Variants in RIMS1 observed in about 807,000 individuals in gnomAD.
RIMS1 encodes regulating synaptic membrane exocytosis protein 1.
In RIMS1, 83 loss-of-function variants were observed where a neutral mutation model predicts 214.1. The ratio of observed to expected loss-of-function variants is 0.39; its 90% CI spans 0.32 to 0.47. The LOEUF is 0.47. Ranked by LOEUF, RIMS1 falls within the 20% of genes least tolerant of loss-of-function variation. RIMS1 has a pLI of 0.99. For missense variants in RIMS1, 2,050 were observed against 2,161.8 expected (o/e 0.95, Z 1.03); for synonymous variants, 793 against 786.8 (o/e 1.01, Z -0.13).
chr6:71,931,135 A>G (rs1582890725), intron 1 of RIMS1, among the ~76,000 whole-genome samples: 1 of 152,058 alleles, frequency 6.6e-6, no homozygotes, highest in African/African-American at 2.4e-5. Context: ...CAGTTCAAAA[A>G]TAGTAAGCCC....
Position 72,250,362 on chromosome 6 carries a change from G to C in RIMS1, c.2274G>C (p.Gln758His), listed in dbSNP as rs749349327. The C allele has an allele frequency of 6.2e-7, 1 of 1,610,038 alleles. No homozygotes were observed. Among genetic ancestry groups the C allele is most frequent in the East Asian group, 2.2e-5 (1 of 44,562 alleles). Residue 758 changes from glutamine to histidine, a missense_variant, in exon 13 of 34, where the codon CAG becomes CAC. By Grantham distance (24) the Gln-to-His change is conservative. Coordinates refer to ENST00000521978, the MANE Select transcript of RIMS1 (RefSeq NM_014989.7). ...VKLWYDKVGH[Q>H]LIVNVLQATD... ...TGTGGTATGATAAAGTGGGACACCA[G>C]CTGATTGTAAATGTTCTGCAAGCAA...
At chr6:72,299,445 C>T (rs1368313394) in intron 26 of RIMS1, among the ~76,000 whole-genome samples, 2 of 151,708 alleles carry the variant, frequency 1.3e-5, no homozygotes, top group Non-Finnish European at 3.0e-5. Context: ...TTCTGTTTCA[C>T]TAATAAAATA....
In RIMS1 at chr6:72,290,784, C is replaced by T. The variant is rs1592171284; in HGVS notation, c.3660C>T (p.His1220=). 1 of 1,613,832 alleles carries T rather than the reference C, an allele frequency of 6.2e-7. No individual in the cohort carries two copies. The highest frequency in any genetic ancestry group is 2.2e-5 in the East Asian group (1 of 44,872). Residue 1220 remains histidine, a synonymous_variant, in exon 25 of 34, where the codon CAC becomes CAT. Transcript: ENST00000521978. ...KHPARSRSSE[H]SSIRTLCSMH... Reference sequence around the variant, plus strand: ...CTGCTCGCTCAAGGTCGAGTGAGCACTCTAGTATCAGAACACTGTGTTCTA... The same window carrying T: ...CTGCTCGCTCAAGGTCGAGTGAGCATTCTAGTATCAGAACACTGTGTTCTA...
intron 1 of RIMS1, among the ~76,000 whole-genome samples, chr6:71,937,767 A>T (rs913751923): frequency 6.6e-6 from 1 of 152,152 alleles, no homozygotes; most frequent in Non-Finnish European, 1.5e-5. Context: ...TATTGTTTCA[A>T]TGTCAGTTAT....
intron 1 of RIMS1, among the ~76,000 whole-genome samples, chr6:71,933,021 C>T (rs1450015074): frequency 6.6e-6 from 1 of 152,042 alleles, no homozygotes; most frequent in Non-Finnish European, 1.5e-5. Context: ...GACAATAATC[C>T]ATCCCATCAA....
At chr6:72,363,757 A>G (rs140570969) in intron 29 of RIMS1, among the ~76,000 whole-genome samples, 51 of 152,366 alleles carry the variant, frequency 3.3e-4, no homozygotes, top group African/African-American at 1.2e-3. Context: ...TTCAAATTGT[A>G]TAATGAAAAC....
chr6:72,122,640 G>A (rs770193299), intron 4 of RIMS1, among the ~76,000 whole-genome samples: 1 of 151,624 alleles, frequency 6.6e-6, no homozygotes. Context: ...ATTAATTATT[G>A]CCTCAATTTC....
intron 1 of RIMS1, among the ~76,000 whole-genome samples, chr6:71,949,906 G>T (rs1421116542): frequency 6.6e-6 from 1 of 152,098 alleles, no homozygotes; most frequent in East Asian, 1.9e-4. Flanking sequence ...ACAAAGACAT[G>T]GCTTCAATAT....
chr6:72,262,806 A>G (rs2078637137), intron 19 of RIMS1: 2 of 741,552 alleles, frequency 2.7e-6, no homozygotes, highest in South Asian at 1.3e-4. Flanking sequence ...CTTTCAAAAT[A>G]CATCATACCA....
At chr6:72,162,298 G>A (rs1232271676) in intron 4 of RIMS1, among the ~76,000 whole-genome samples, 3 of 140,038 alleles carry the variant, frequency 2.1e-5, no homozygotes, top group Non-Finnish European at 4.9e-5. Context: ...TGTGAGATGG[G>A]TTTCCTGAAT....
At chr6:72,185,167 C>T (rs1446662448) in intron 6 of RIMS1, among the ~76,000 whole-genome samples, 1 of 152,154 alleles carries the variant, frequency 6.6e-6, no homozygotes, top group Non-Finnish European at 1.5e-5. Flanking sequence ...TCCAGTTTGG[C>T]TTCTGGACCT....
intron 2 of RIMS1, among the ~76,000 whole-genome samples, chr6:72,058,159 A>G (rs1484447420): frequency 1.3e-5 from 2 of 152,252 alleles, no homozygotes; most frequent in Non-Finnish European, 2.9e-5. Flanking sequence ...TGTAAAATGT[A>G]TATAGAGAAA....
intron 1 of RIMS1, among the ~76,000 whole-genome samples, chr6:71,897,754 C>A (rs1399174865): frequency 2.6e-5 from 4 of 152,036 alleles, no homozygotes; most frequent in Admixed American, 6.6e-5. Flanking sequence ...TTATTTGAAT[C>A]CCTCATATAA....
rs116720278 is a variant in RIMS1 at position 72,198,223 on chromosome 6, A to G, written c.1678+15074A>G. Among the ~76,000 whole-genome samples, 802 of 152,246 alleles carry G rather than the reference A, an allele frequency of 5.3e-3. 5 individuals are homozygous for G. Among genetic ancestry groups the G allele is most frequent in the African/African-American group, 0.018 (763 of 41,568 alleles). ...AAACTAAGTGGCCATCGGTGCATGAATGGGTAAAGAAAATGTGCATATACG... is the reference window on the plus strand; with the variant it reads ...AAACTAAGTGGCCATCGGTGCATGAGTGGGTAAAGAAAATGTGCATATACG... On this transcript the variant is annotated intron_variant, in intron 6 of 33. Coordinates refer to ENST00000521978, the MANE Select transcript of RIMS1 (RefSeq NM_014989.7).
chr6:72,217,695 C>T (rs1458738651), intron 6 of RIMS1, among the ~76,000 whole-genome samples: 1 of 152,068 alleles, frequency 6.6e-6, no homozygotes, highest in Non-Finnish European at 1.5e-5. Flanking sequence ...AAAATGCTGA[C>T]CAGGTTTGGT....
At chr6:72,081,248 G>A (rs554924123) in intron 2 of RIMS1, among the ~76,000 whole-genome samples, 208 of 152,254 alleles carry the variant, frequency 1.4e-3, no homozygotes, top group African/African-American at 4.7e-3. Flanking sequence ...AGATAAAATA[G>A]GGTGTTGCTC....
At chr6:72,222,412 C>CA (rs2058763153) in intron 6 of RIMS1, among the ~76,000 whole-genome samples, 1 of 151,818 alleles carries the variant, frequency 6.6e-6, no homozygotes, top group South Asian at 2.1e-4. Context: ...GTACTGCATT[C>CA]AAAAAATATC....
intron 1 of RIMS1, among the ~76,000 whole-genome samples, chr6:71,941,353 T>C (rs1209939047): frequency 6.6e-6 from 1 of 152,226 alleles, no homozygotes; most frequent in Non-Finnish European, 1.5e-5. Flanking sequence ...ACACATTTGT[T>C]TTACAAAAGT....
rs191450916 is a variant in RIMS1 at position 71,944,349 on chromosome 6, G to A, written c.165-24634G>A. Among the ~76,000 whole-genome samples the A allele has an allele frequency of 2.6e-5, 4 of 152,300 alleles. No individual in the cohort carries two copies. In the East Asian group the frequency reaches 7.7e-4, roughly 29 times the overall value. On this transcript the variant is annotated intron_variant, in intron 1 of 33. Transcript: ENST00000521978. ...GCATAGAATTGTGTAGAGAAGAAGA[G>A]GCACCCCTTTCTCTTGAGGTTGTAG... is the stretch of plus-strand genomic sequence containing the variant.
Sources: allele counts gnomAD v4.1 joint callset (sites outside exome capture counted in the v4.1 genomes callset), GRCh38; gene constraint gnomAD v4.1.1; transcripts MANE v1.5; gene names NCBI Gene and HGNC (gene_info 2026-07-23, HGNC 2026-07-21).